DNAJC18: variants seen among roughly 807,000 people sequenced by gnomAD.
DNAJC18 encodes the protein DnaJ heat shock protein family (Hsp40) member C18, also known as dnaJ homolog subfamily C member 18.
In DNAJC18, 40 loss-of-function variants were observed where a neutral mutation model predicts 48.6. The observed-to-expected ratio is 0.82, with a 90% CI of 0.64 to 1.07. The LOEUF (loss-of-function observed/expected upper bound fraction) is 1.07. Among genes scored for constraint, DNAJC18 ranks in the 50% least tolerant of loss-of-function variants. The pLI is 0.00. For synonymous variants in DNAJC18, 135 were observed against 152.2 expected, an observed-to-expected ratio of 0.89 and a Z score of 0.83; for missense variants, 340 against 427.7, an observed-to-expected ratio of 0.79 and a Z score of 1.81.
intron 2 of DNAJC18, among the ~76,000 whole-genome samples, chr5:139,429,336 C>A (rs1759295072): frequency 6.6e-6 from 1 of 152,068 alleles, no homozygotes; most frequent in Non-Finnish European, 1.5e-5. Flanking sequence ...CCCACCTTGG[C>A]CTCCCAAAGT....
chr5:139,430,291 T>A (rs1759308852), intron 2 of DNAJC18, among the ~76,000 whole-genome samples: 1 of 152,198 alleles, frequency 6.6e-6, no homozygotes, highest in Non-Finnish European at 1.5e-5. Context: ...AAGTAACATG[T>A]TTATATCATT....
intron 3 of DNAJC18, among the ~76,000 whole-genome samples, chr5:139,428,135 G>A (rs754986353): frequency 1.2e-4 from 18 of 152,246 alleles, no homozygotes; most frequent in Middle Eastern, 3.4e-3. Context: ...AGTGGCTCAC[G>A]CCTGTAATAT....
At chr5:139,418,980 G>C (rs774643783) in intron 7 of DNAJC18, 6 of 418,656 alleles carry the variant, frequency 1.4e-5, no homozygotes, top group Non-Finnish European at 2.9e-5. Context: ...AGAACACAGA[G>C]GAAGGAGAGC....
At chr5:139,428,503 C>T (rs1759277053) in intron 3 of DNAJC18, 35 bp downstream of exon 3, 5 of 1,589,994 alleles carry the variant, frequency 3.1e-6, no homozygotes, top group Non-Finnish European at 4.3e-6. Context: ...CCAACCATGA[C>T]AAGGGCACCA....
chr5:139,415,941 A>G (rs778734364), intron 7 of DNAJC18, among the ~76,000 whole-genome samples: 5 of 152,180 alleles, frequency 3.3e-5, no homozygotes, highest in Non-Finnish European at 7.3e-5. Flanking sequence ...TATTTTCTAC[A>G]TTGAAGGCCA....
rs1307936037 is a variant in DNAJC18, at chr5:139,413,575, T to C, written c.*573A>G. On this transcript the variant is annotated 3_prime_UTR_variant, in exon 8 of 8. Transcript: ENST00000302060. ...AATCTCAAATTAGGCAGTTTGCTAA[T>C]GCTACTAACTGAGCAGAGATTGGAA... 6.6e-6 allele frequency: 1 copy of C among 152,322 alleles called. No individual in the cohort carries two copies. Among genetic ancestry groups the C allele is most frequent in the Non-Finnish European group, 1.5e-5 (1 of 68,132 alleles). The allele number at this position is 152,322 out of a possible 1,614,324, so 9.4% of individuals were successfully genotyped here.
At position 139,413,852 on chromosome 5, in the gene DNAJC18, C is replaced by G. The variant is rs978813842; in HGVS notation, c.*296G>C. ...GAAAGCATGGATCTGCTCTGGGATG[C>G]CCTGAACTCCATTCACATAGGCAGG... On this transcript the variant is annotated 3_prime_UTR_variant, in exon 8 of 8. Transcript: ENST00000302060. The G allele has an allele frequency of 1.2e-5, 4 of 336,732 alleles. No individual in the cohort carries two copies. The highest frequency in any genetic ancestry group is 1.6e-5 in the Non-Finnish European group (3 of 185,350). 20.9% of individuals were successfully genotyped at this position (336,732 alleles called of 1,614,324 possible).
At chr5:139,423,433 A>C (rs1166983877) in intron 5 of DNAJC18, among the ~76,000 whole-genome samples, 1 of 149,170 alleles carries the variant, frequency 6.7e-6, no homozygotes, top group Non-Finnish European at 1.5e-5. Flanking sequence ...TCTGTCACCC[A>C]GGCTAGAGTA....
intron 2 of DNAJC18, among the ~76,000 whole-genome samples, chr5:139,435,065 T>C (rs988274527): frequency 3.3e-5 from 5 of 152,156 alleles, no homozygotes; most frequent in Non-Finnish European, 7.4e-5. Context: ...GTTTTTATTA[T>C]GAAAGAGTGT....
chr5:139,419,991 C>T (rs556678046), intron 7 of DNAJC18, 62 bp downstream of exon 7: 1 of 1,463,804 alleles, frequency 6.8e-7, no homozygotes, highest in Admixed American at 2.6e-5. Flanking sequence ...GATCAGGAGG[C>T]TGGGGGTGCC....
chr5:139,415,475 G>A (rs528875766), intron 7 of DNAJC18, among the ~76,000 whole-genome samples: 9 of 152,236 alleles, frequency 5.9e-5, no homozygotes, highest in South Asian at 2.1e-4. Context: ...AATGGAGGCC[G>A]CACAGCCTGG....
intron 6 of DNAJC18, 112 bp downstream of exon 6, chr5:139,422,596 G>T: frequency 1.2e-6 from 1 of 826,850 alleles, no homozygotes; most frequent in Non-Finnish European, 1.9e-6. Context: ...ACATCAAATC[G>T]GTGTTTTCTA....
In DNAJC18 at chr5:139,425,127, T is replaced by C; in HGVS notation, c.560-13A>G. Reference sequence around the variant, plus strand: ...ATATGAATATTTCCTGGAAAAGAAATACATGGTATGGGATATGGCAAACAC... The same window carrying C: ...ATATGAATATTTCCTGGAAAAGAAACACATGGTATGGGATATGGCAAACAC... On this transcript the variant is annotated splice_polypyrimidine_tract_variant and intron_variant, in intron 4 of 7. Transcript: ENST00000302060. The C allele has an allele frequency of 6.2e-7, 1 of 1,603,388 alleles. No individual in the cohort carries two copies. The highest frequency in any genetic ancestry group is 2.2e-5 in the East Asian group (1 of 44,572).
Position 139,437,573 on chromosome 5 carries a change from C to T in DNAJC18, c.41-15G>A. 6.2e-7 allele frequency: 1 copy of T among 1,605,928 alleles called. No homozygotes were observed. Among genetic ancestry groups the T allele is most frequent in the Non-Finnish European group, 8.5e-7 (1 of 1,176,750 alleles). On this transcript the variant is annotated splice_polypyrimidine_tract_variant and intron_variant, in intron 1 of 7. Transcript: ENST00000302060. ...GTCAATGTAAGCTGCAAACAACAGCCCCTCCATTAGGTCTCCATCTGACCC... is the reference window on the plus strand; with the variant it reads ...GTCAATGTAAGCTGCAAACAACAGCTCCTCCATTAGGTCTCCATCTGACCC...
Position 139,426,451 on chromosome 5 carries a change from G to A in DNAJC18, c.374-94C>T, listed in dbSNP as rs1212236801. On this transcript the variant is annotated intron_variant, in intron 3 of 7. Transcript: ENST00000302060. ...GTGACAAAGAGCCTAGAGGTGACTC[G>A]TGCTGGACAACTTCGCAGGGGCCCA... is the stretch of plus-strand genomic sequence containing the variant. 3.1e-5 allele frequency: 45 copies of A among 1,447,008 alleles called. No individual in the cohort carries two copies. The South Asian group carries it at 4.5e-4, about 14-fold the overall frequency. The allele number at this position is 1,447,008 out of a possible 1,614,324, so 89.6% of individuals were successfully genotyped here. A position where few individuals can be genotyped will look rare whatever the true frequency, so the allele number is the denominator to read the frequency against.
rs1028733567 is a variant in DNAJC18 at position 139,412,526 on chromosome 5, G to T, written c.*1622C>A. ...TCCACCTGCCACAGCCTCCCAAAGT[G>T]CTGGGATTACAGGCTTGAGCCAGTG... is the stretch of plus-strand genomic sequence containing the variant. On this transcript the variant is annotated 3_prime_UTR_variant, in exon 8 of 8. Coordinates refer to ENST00000302060, the MANE Select transcript of DNAJC18 (RefSeq NM_152686.4). The T allele has an allele frequency of 2.6e-6, 1 of 389,314 alleles. No individual in the cohort carries two copies. Among genetic ancestry groups the T allele is most frequent in the Admixed American group, 4.5e-5 (1 of 22,452 alleles). The allele number at this position is 389,314 out of a possible 1,614,324, so 24.1% of individuals were successfully genotyped here. A position where few individuals can be genotyped will look rare whatever the true frequency, so the allele number is the denominator to read the frequency against.
At chr5:139,415,046 C>G (rs1435870364) in intron 7 of DNAJC18, among the ~76,000 whole-genome samples, 1 of 152,090 alleles carries the variant, frequency 6.6e-6, no homozygotes, top group East Asian at 1.9e-4. Flanking sequence ...TGAAGAGCAC[C>G]TTTAGAGACG....
In DNAJC18 at chr5:139,437,547, C is replaced by A; in HGVS notation, c.52G>T (p.Ala18Ser). 6.2e-7 allele frequency: 1 copy of A among 1,611,418 alleles called. No individual in the cohort carries two copies. The highest frequency in any genetic ancestry group is 8.5e-7 in the Non-Finnish European group (1 of 1,179,136). Residue 18 changes from alanine (A) to serine (S), a missense_variant, in exon 2 of 8, where the codon GCA (alanine) becomes TCA (serine). Transcript: ENST00000302060. The stretch of plus-strand genomic sequence containing the variant: ...TCTGGGTATTTGTTTCTTCTAACTG[C>A]GTCAATGTAAGCTGCAAACAACAGC... The part of the protein sequence containing the change: ...GERWTEAYID[A>S]VRRNKYPEDT...
chr5:139,414,497 CTT>C lies in DNAJC18; in HGVS notation c.953-227_953-226del, dbSNP rs561997279. Reference sequence around the variant, plus strand: ...TGCAGTCCAACAGTATCTGTGCTCTCTTATAAAAGCACTGGACTTAGTTCTTA... The same window carrying C: ...TGCAGTCCAACAGTATCTGTGCTCTCATAAAAGCACTGGACTTAGTTCTTA... On this transcript the variant is annotated intron_variant, in intron 7 of 7. Coordinates refer to ENST00000302060, the MANE Select transcript of DNAJC18 (RefSeq NM_152686.4). Among the ~76,000 whole-genome samples, 613 of 152,366 alleles carry C rather than the reference CTT, an allele frequency of 4.0e-3. 3 individuals carry two copies. Among genetic ancestry groups the C allele is most frequent in the Middle Eastern group, 0.01 (3 of 294 alleles).
Sources: gnomAD v4.1 joint callset for allele counts (sites outside exome capture counted in the v4.1 genomes callset) on GRCh38, gnomAD v4.1.1 for gene constraint, MANE v1.5 for transcripts, NCBI Gene and HGNC (gene_info 2026-07-23, HGNC 2026-07-21) for gene names.